The following CAMTA1 variants were observed in gnomAD, a reference collection of about 807,000 sequenced individuals.
The protein encoded by CAMTA1 is calmodulin binding transcription activator 1.
Under a neutral mutation model 170.9 loss-of-function variants are expected in CAMTA1, and 27 were observed. The observed-to-expected ratio is 0.16, with a 90% CI of 0.12 to 0.22. The LOEUF is 0.22. CAMTA1 is among the 10% of genes least tolerant of loss of function. The pLI is 1.00. For missense variants in CAMTA1, 1,619 were observed against 2,217.2 expected (o/e 0.73, Z 5.42); for synonymous variants, 833 against 891.5 (o/e 0.93, Z 1.17).
intron 6 of CAMTA1, among the ~76,000 whole-genome samples, chr1:7,513,043 C>T (rs889973705): frequency 6.6e-6 from 1 of 152,182 alleles, no homozygotes; most frequent in African/African-American, 2.4e-5. Flanking sequence ...TTTTGAGTGA[C>T]AGGCACTGAC....
At chr1:7,559,243 C>G (rs1377041703) in intron 6 of CAMTA1, among the ~76,000 whole-genome samples, 3 of 152,174 alleles carry the variant, frequency 2.0e-5, no homozygotes, top group Non-Finnish European at 4.4e-5. Flanking sequence ...AGACATGGGC[C>G]TTGTGCCTCC....
rs17030407 is a variant in CAMTA1, at chr1:7,156,935, C to T, written c.302+65564C>T. Among the ~76,000 whole-genome samples the T allele has an allele frequency of 9.8e-3, 1,496 of 152,216 alleles. 23 individuals are homozygous for T. The highest frequency in any genetic ancestry group is 0.034 in the African/African-American group (1,409 of 41,514). ...ATAGGCCAGCAGAAACTGTAAGAGACGGGCTTTCAGAACAAAAATTCCCAA... is the reference window on the plus strand; with the variant it reads ...ATAGGCCAGCAGAAACTGTAAGAGATGGGCTTTCAGAACAAAAATTCCCAA... On this transcript the variant is annotated intron_variant, in intron 4 of 22. Coordinates refer to ENST00000303635, the MANE Select transcript of CAMTA1 (RefSeq NM_015215.4).
At chr1:7,701,623 T>C (rs1426646614) in intron 11 of CAMTA1, among the ~76,000 whole-genome samples, 2 of 152,042 alleles carry the variant, frequency 1.3e-5, no homozygotes, top group African/African-American at 4.8e-5. Flanking sequence ...TCTCACCATG[T>C]TGCCCAGGCT....
intron 5 of CAMTA1, among the ~76,000 whole-genome samples, chr1:7,441,952 C>T (rs559412828): frequency 1.3e-4 from 20 of 152,274 alleles, no homozygotes; most frequent in African/African-American, 2.4e-4. Flanking sequence ...GCCTCGATTC[C>T]GGCGGTTTCA....
At chr1:6,949,256 G>A (rs955333648) in intron 3 of CAMTA1, among the ~76,000 whole-genome samples, 2 of 152,204 alleles carry the variant, frequency 1.3e-5, no homozygotes, top group Non-Finnish European at 2.9e-5. Context: ...GAGGGTCCTC[G>A]AACTGTTGGA....
intron 4 of CAMTA1, among the ~76,000 whole-genome samples, chr1:7,140,987 A>G (rs1645857589): frequency 6.6e-6 from 1 of 152,204 alleles, no homozygotes; most frequent in Admixed American, 6.5e-5. Context: ...CCGACAGAAG[A>G]TGAAGTAGCA....
At chr1:7,108,784 C>T (rs914052110) in intron 4 of CAMTA1, among the ~76,000 whole-genome samples, 17 of 152,204 alleles carry the variant, frequency 1.1e-4, no homozygotes, top group Non-Finnish European at 1.8e-4. Flanking sequence ...TGCCTCAAAA[C>T]TTAGTGGCTT....
Position 7,769,432 on chromosome 1 carries a change from C to T in CAMTA1, c.*2941C>T, listed in dbSNP as rs2097043014. 2 of 152,774 alleles carry T rather than the reference C, an allele frequency of 1.3e-5. No homozygotes were observed. The highest frequency in any genetic ancestry group is 2.9e-5 in the Non-Finnish European group (2 of 68,032). The allele number at this position is 152,774 out of a possible 1,614,324, so 9.5% of individuals were successfully genotyped here. A position where few individuals can be genotyped will look rare whatever the true frequency, so the allele number is the denominator to read the frequency against. ...AATAATACGAACCCCTCTCTGGCTG[C>T]ACGGTCGCTTATGGCAGTTCCACAC... On this transcript the variant is annotated 3_prime_UTR_variant, in exon 23 of 23. Transcript: ENST00000303635.
intron 6 of CAMTA1, among the ~76,000 whole-genome samples, chr1:7,612,811 C>A (rs903205791): frequency 6.6e-6 from 1 of 152,192 alleles, no homozygotes; most frequent in Admixed American, 6.5e-5. Context: ...GCCAAAACCA[C>A]CCTTTGCAGG....
chr1:7,648,809 GA>G (rs1191506820), intron 7 of CAMTA1, among the ~76,000 whole-genome samples: 1 of 152,214 alleles, frequency 6.6e-6, no homozygotes, highest in Non-Finnish European at 1.5e-5. Flanking sequence ...CCTGGGTCTG[GA>G]GTGGGCTCCA....
chr1:6,884,179 G>A (rs1330353639), intron 3 of CAMTA1, among the ~76,000 whole-genome samples: 3 of 151,924 alleles, frequency 2.0e-5, no homozygotes, highest in Non-Finnish European at 4.4e-5. Flanking sequence ...TCTGAGGGGA[G>A]CAAGGCTGAA....
At position 7,456,325 on chromosome 1, in the gene CAMTA1, C is replaced by T. The variant is rs2092952906; in HGVS notation, c.439-11505C>T. On this transcript the variant is annotated intron_variant, in intron 5 of 22. Coordinates refer to ENST00000303635, the MANE Select transcript of CAMTA1 (RefSeq NM_015215.4). This position sits in a 1 kb window ranked among gnomAD's most constrained non-coding sequence, Gnocchi z 4.9. ...AGGGAGCGGGAAGGAGGAAGGCAGG[C>T]CATCACCAGTATACACCACTCTGGA... 6.6e-6 allele frequency among the ~76,000 whole-genome samples: 1 copy of T among 152,096 alleles called. No individual in the cohort carries two copies. Among genetic ancestry groups the T allele is most frequent in the Non-Finnish European group, 1.5e-5 (1 of 68,006 alleles).
intron 4 of CAMTA1, among the ~76,000 whole-genome samples, chr1:7,201,765 A>G (rs1325880299): frequency 6.6e-6 from 1 of 152,100 alleles, no homozygotes; most frequent in African/African-American, 2.4e-5. Context: ...AAGTTGTAAG[A>G]GTTCTTTATA....
intron 5 of CAMTA1, among the ~76,000 whole-genome samples, chr1:7,441,953 G>A (rs77058658): frequency 0.02 from 3,000 of 152,212 alleles, 57 homozygotes; most frequent in Middle Eastern, 0.037. Context: ...CCTCGATTCC[G>A]GCGGTTTCAG....
intron 6 of CAMTA1, among the ~76,000 whole-genome samples, chr1:7,507,598 G>A (rs1420391241): frequency 2.6e-5 from 4 of 152,200 alleles, no homozygotes; most frequent in African/African-American, 4.8e-5. Flanking sequence ...TGCATTTTCC[G>A]AGGAGCCCTG....
chr1:6,899,503 G>T (rs578066984), intron 3 of CAMTA1, among the ~76,000 whole-genome samples: 2 of 152,254 alleles, frequency 1.3e-5, no homozygotes, highest in South Asian at 2.1e-4. Flanking sequence ...GAGTGCTTGA[G>T]AGTTACTTCG....
At chr1:7,188,391 C>T (rs115587981) in intron 4 of CAMTA1, among the ~76,000 whole-genome samples, 2,226 of 152,242 alleles carry the variant, frequency 0.015, 58 homozygotes, top group African/African-American at 0.048. Flanking sequence ...TATTGTTGTT[C>T]GACCATAACT....
At position 7,044,913 on chromosome 1, in the gene CAMTA1, C is replaced by G. The variant is rs2101480978; in HGVS notation, c.235-46391C>G. Among the ~76,000 whole-genome samples, 1 of 152,008 alleles carries G rather than the reference C, an allele frequency of 6.6e-6. No homozygotes were observed. Among genetic ancestry groups the G allele is most frequent in the East Asian group, 1.9e-4 (1 of 5,176 alleles). ...CATTTTGATTAAAAAAAAAAATCCC[C>G]CAAAATAAAAACTCATACTTGTTTC... is the stretch of plus-strand genomic sequence containing the variant. On this transcript the variant is annotated intron_variant, in intron 3 of 22. Coordinates refer to ENST00000303635, the MANE Select transcript of CAMTA1 (RefSeq NM_015215.4). This position sits in a 1 kb window ranked among gnomAD's most constrained non-coding sequence, Gnocchi z 5.0.
chr1:6,874,269 C>T (rs1669203400), intron 3 of CAMTA1: 1 of 152,406 alleles, frequency 6.6e-6, no homozygotes, highest in African/African-American at 2.4e-5. Flanking sequence ...GGTGAAAGGC[C>T]AGGACCATGG....
Sources: allele counts gnomAD v4.1 joint callset (sites outside exome capture counted in the v4.1 genomes callset), GRCh38; gene constraint gnomAD v4.1.1; non-coding constraint Gnocchi (gnomAD v3.1); transcripts MANE v1.5; gene names NCBI Gene and HGNC (gene_info 2026-07-23, HGNC 2026-07-21).